The following FGFR2 variants were observed in gnomAD, a reference collection of about 807,000 sequenced individuals.
FGFR2 encodes the protein fibroblast growth factor receptor 2.
FGFR2 carries 19 observed loss-of-function variants against 95.9 expected under a neutral mutation model. That is an observed-to-expected ratio of 0.20 (90% CI 0.14 to 0.29). FGFR2 has a LOEUF of 0.29. FGFR2 is among the 10% of genes least tolerant of loss of function. The probability of loss-of-function intolerance (pLI) is 1.00; values close to 1 mark genes in which losing one functional copy is unlikely to be tolerated. For synonymous variants in FGFR2, 392 were observed against 393.3 expected, an observed-to-expected ratio of 1.00 and a Z score of 0.04; for missense variants, 707 against 1,056.9, an observed-to-expected ratio of 0.67 and a Z score of 4.59.
chr10:121,571,651 C>A (rs11200008), intron 2 of FGFR2, among the ~76,000 whole-genome samples: 146,052 of 151,180 alleles, frequency 0.97, 70,562 homozygotes, highest in East Asian at 1. Flanking sequence ...AACAAACAAA[C>A]AAAAACGACT....
intron 2 of FGFR2, among the ~76,000 whole-genome samples, chr10:121,579,730 C>T (rs757486436): frequency 2.0e-5 from 3 of 152,174 alleles, no homozygotes; most frequent in Non-Finnish European, 4.4e-5. Context: ...ACCCTAGCCC[C>T]ACAGCATGCC....
intron 15 of FGFR2, among the ~76,000 whole-genome samples, chr10:121,486,953 T>G (rs532785783): frequency 8.5e-5 from 13 of 152,302 alleles, no homozygotes; most frequent in South Asian, 6.2e-4. Flanking sequence ...CTCCACTCTT[T>G]AAGGACAAAT....
chr10:121,593,279 G>A (rs1232431747), intron 2 of FGFR2, among the ~76,000 whole-genome samples: 1 of 152,202 alleles, frequency 6.6e-6, no homozygotes, highest in African/African-American at 2.4e-5. Flanking sequence ...ATGAAAATAA[G>A]ATGTCAGCAT....
Position 121,522,314 on chromosome 10 carries a change from T to C in FGFR2, c.749-2145A>G, listed in dbSNP as rs74501373. On this transcript the variant is annotated intron_variant, in intron 6 of 17. Coordinates refer to ENST00000358487, the MANE Select transcript of FGFR2 (RefSeq NM_000141.5). ...TGCCTTTGAGCATAATCCCAGAACT[T>C]TGAAGGCTGACGCAGGAGGATTGCT... Among the ~76,000 whole-genome samples the C allele has an allele frequency of 5.2e-3, 799 of 152,300 alleles. 8 individuals are homozygous for C. The highest frequency in any genetic ancestry group is 0.04 in the East Asian group (206 of 5,184).
chr10:121,565,751 G>A (rs1565000898), intron 2 of FGFR2, 47 bp from the exon 3 acceptor site: 1 of 1,612,048 alleles, frequency 6.2e-7, no homozygotes, highest in Non-Finnish European at 8.5e-7. Flanking sequence ...GGGAAGGAGG[G>A]AGAGGAGAGA....
At position 121,485,293 on chromosome 10, in the gene FGFR2, GTT is replaced by G; in HGVS notation, c.2195+100_2195+101del. On this transcript the variant is annotated intron_variant, in intron 16 of 17. Coordinates refer to ENST00000358487, the MANE Select transcript of FGFR2 (RefSeq NM_000141.5). The surrounding 1 kb of genome is among the most constrained non-coding windows in gnomAD (Gnocchi z 4.2). The stretch of plus-strand genomic sequence containing the variant: ...GCTTCAGCCATTCTTCTTAGAGCAT[GTT>G]TAGGAAACCAGGGGCCTTCAAAAAC... The G allele has an allele frequency of 6.6e-7, 1 of 1,522,414 alleles. No individual in the cohort carries two copies. Among genetic ancestry groups the G allele is most frequent in the Non-Finnish European group, 9.1e-7 (1 of 1,099,528 alleles). 94.3% of individuals were successfully genotyped at this position (1,522,414 alleles called of 1,614,324 possible). A position where few individuals can be genotyped will look rare whatever the true frequency, so the allele number is the denominator to read the frequency against.
At chr10:121,550,651 A>G (rs1855253405) in intron 5 of FGFR2, among the ~76,000 whole-genome samples, 1 of 152,180 alleles carries the variant, frequency 6.6e-6, no homozygotes. Context: ...CTGACAGGGA[A>G]ACTATACTGA....
intron 12 of FGFR2, 49 bp from the exon 13 acceptor site, chr10:121,496,771 C>A (rs41293761): frequency 6.4e-7 from 1 of 1,561,872 alleles, no homozygotes; most frequent in South Asian, 1.1e-5. Flanking sequence ...CAGGGTCTCC[C>A]CTTGGGCAAT....
At chr10:121,565,969 T>C (rs1857612223) in intron 2 of FGFR2, 5 of 554,062 alleles carry the variant, frequency 9.0e-6, no homozygotes, top group Admixed American at 3.1e-5. Context: ...AACCATAGCA[T>C]GGAAGAATAT....
chr10:121,565,603 T>C lies in FGFR2; in HGVS notation c.211A>G (p.Ser71Gly), dbSNP rs2135119260. ...AAGTGCACCCCATCCTTAGTCCAAC[T>C]GATCACGGCGGCATCTTTCAACAGG... ...RCLLKDAAVI[S>G]WTKDGVHLGP... is the part of the protein sequence containing the mutation. The change falls in exon 3 of 18, where the codon AGT (serine) becomes GGT (glycine). Residue 71 changes from serine (S) to glycine (G), a missense_variant. By Grantham distance (56) the Ser-to-Gly change is moderately conservative. Coordinates refer to ENST00000358487, the MANE Select transcript of FGFR2 (RefSeq NM_000141.5). 11 of 1,614,226 alleles carry C rather than the reference T, an allele frequency of 6.8e-6. No homozygotes were observed. The highest frequency in any genetic ancestry group is 1.7e-5 in the Admixed American group (1 of 60,022).
chr10:121,570,637 C>T (rs191486863), intron 2 of FGFR2, among the ~76,000 whole-genome samples: 4 of 152,360 alleles, frequency 2.6e-5, no homozygotes, highest in East Asian at 1.9e-4. Context: ...CCTGCCAAAA[C>T]GCAATGGGGA....
At chr10:121,554,505 A>ATTTT (rs11334001) in intron 4 of FGFR2, among the ~76,000 whole-genome samples, 1 of 121,960 alleles carries the variant, frequency 8.2e-6, no homozygotes, top group Non-Finnish European at 1.7e-5. Flanking sequence ...TGCCCGGCTA[A>ATTTT]TTTTTTTTTT....
At chr10:121,484,290 T>C (rs1845131532) in intron 16 of FGFR2, among the ~76,000 whole-genome samples, 1 of 152,114 alleles carries the variant, frequency 6.6e-6, no homozygotes, top group Admixed American at 6.5e-5. Flanking sequence ...ATTTGAAAAC[T>C]ACAACTTCAA....
intron 6 of FGFR2, among the ~76,000 whole-genome samples, chr10:121,534,827 C>T (rs1417567945): frequency 6.6e-6 from 1 of 152,190 alleles, no homozygotes; most frequent in Non-Finnish European, 1.5e-5. Flanking sequence ...GGCCACCTAC[C>T]TGCCAGCCTG....
intron 6 of FGFR2, chr10:121,538,129 C>T: frequency 1.7e-6 from 1 of 580,296 alleles, no homozygotes. Context: ...AAGTGAAGGG[C>T]CCTCAACATT....
chr10:121,528,867 T>C (rs765609318), intron 6 of FGFR2, among the ~76,000 whole-genome samples: 1 of 152,020 alleles, frequency 6.6e-6, no homozygotes, highest in Non-Finnish European at 1.5e-5. Flanking sequence ...TCCCTCCCTA[T>C]GAACACTCGG....
intron 2 of FGFR2, among the ~76,000 whole-genome samples, chr10:121,577,459 G>C (rs1004007558): frequency 6.6e-6 from 1 of 152,020 alleles, no homozygotes; most frequent in African/African-American, 2.4e-5. Flanking sequence ...AAATGAGAGA[G>C]GAGGGGGCAG....
intron 2 of FGFR2, among the ~76,000 whole-genome samples, chr10:121,581,761 TAAAAAAAAA>T (rs55911512): frequency 6.4e-5 from 4 of 62,558 alleles, no homozygotes; most frequent in South Asian, 8.0e-4. Flanking sequence ...ACCCTGCATT[TAAAAAAAAA>T]AAAAAAAAAA....
At position 121,479,738 on chromosome 10, in the gene FGFR2, T is replaced by C; in HGVS notation, c.*119A>G. The C allele has an allele frequency of 1.2e-6, 2 of 1,611,814 alleles. No homozygotes were observed. The highest frequency in any genetic ancestry group is 1.7e-6 in the Non-Finnish European group (2 of 1,178,474). On this transcript the variant is annotated 3_prime_UTR_variant, in exon 18 of 18. Coordinates refer to ENST00000358487, the MANE Select transcript of FGFR2 (RefSeq NM_000141.5). ...ATATGCTGATTACTTTTCCAATTAT[T>C]TACTCCTCTGATCCATATATACAAG...
Sources: allele counts gnomAD v4.1 joint callset (sites outside exome capture counted in the v4.1 genomes callset), GRCh38; gene constraint gnomAD v4.1.1; non-coding constraint Gnocchi (gnomAD v3.1); transcripts MANE v1.5; gene names NCBI Gene and HGNC (gene_info 2026-07-23, HGNC 2026-07-21).